The following HEPHL1 variants were observed in gnomAD, a reference collection of about 807,000 sequenced individuals.
HEPHL1 encodes the protein hephaestin like 1.
HEPHL1 carries 123 observed loss-of-function variants against 122.0 expected under a neutral mutation model. The ratio of observed to expected loss-of-function variants is 1.01; its 90% confidence interval spans 0.87 to 1.17. The LOEUF is 1.17. Among genes scored for constraint, HEPHL1 ranks in the 50% most tolerant of loss-of-function variants. The pLI is 0.00. For missense variants in HEPHL1, 1,452 were observed against 1,430.5 expected (o/e 1.01, Z -0.24); for synonymous variants, 527 against 508.9 (o/e 1.04, Z -0.48).
rs374141325 is a variant in HEPHL1, at chr11:94,037,336, G to A, written c.171-8337G>A. Among the ~76,000 whole-genome samples the A allele has an allele frequency of 9.2e-5, 14 of 151,880 alleles. No individual in the cohort carries two copies. The East Asian group carries it at 2.3e-3, about 25-fold the overall frequency. On this transcript the variant is annotated intron_variant, in intron 1 of 19. Transcript: ENST00000315765. ...CAGGCTTGCTTAGGTAAACAAAGCA[G>A]CCAGAAAGCTTGAACTGGGTGGAGC...
chr11:94,076,804 G>T (rs111872184), intron 9 of HEPHL1, among the ~76,000 whole-genome samples: 2 of 152,108 alleles, frequency 1.3e-5, no homozygotes, highest in Admixed American at 1.3e-4. Flanking sequence ...AAGTGTTTGC[G>T]TCTCTTTCCA....
In HEPHL1 at chr11:94,093,511, A is replaced by G. The variant is rs776732202; in HGVS notation, c.2305A>G (p.Ile769Val). 4.3e-6 allele frequency: 7 copies of G among 1,613,470 alleles called. 1 individual carries two copies. In the South Asian group the frequency reaches 7.7e-5, roughly 18 times the overall value. ...VDARGERHGD[I>V]FMNRTENWIG... The stretch of plus-strand genomic sequence containing the variant: ...GCTTCTGATTTGCAGACATGGAGAT[A>G]TATTTATGAACCGCACTGAAAATTG... The change falls in exon 13 of 20, where the codon ATA becomes GTA. Residue 769 changes from isoleucine to valine, a missense_variant. Ile to Val is a conservative substitution (Grantham distance 29). Transcript: ENST00000315765.
intron 1 of HEPHL1, among the ~76,000 whole-genome samples, chr11:94,036,654 G>C (rs1945727357): frequency 6.6e-6 from 1 of 152,018 alleles, no homozygotes; most frequent in African/African-American, 2.4e-5. Context: ...GGCTAACATG[G>C]TGAAACCCCA....
intron 13 of HEPHL1, among the ~76,000 whole-genome samples, chr11:94,099,252 G>T (rs1019521380): frequency 3.5e-4 from 54 of 152,228 alleles, no homozygotes; most frequent in African/African-American, 1.3e-3. Context: ...TCAGCTGCAG[G>T]TCTGTTGGAG....
Position 94,102,912 on chromosome 11 carries a change from A to T in HEPHL1, c.2576-2A>T. 3 of 1,481,482 alleles carry T rather than the reference A, an allele frequency of 2.0e-6. No individual in the cohort carries two copies. The highest frequency in any genetic ancestry group is 2.8e-6 in the Non-Finnish European group (3 of 1,061,478). 91.8% of individuals were successfully genotyped at this position (1,481,482 alleles called of 1,614,324 possible). ...AAATTTTTTCCATTTCATTTATTAC[A>T]GGAGAAGTAAAAACTTATAGATGGA... On this transcript the variant is annotated splice_acceptor_variant, in intron 14 of 19. Transcript: ENST00000315765. LOFTEE classifies it high-confidence loss of function.
chr11:94,035,529 T>C (rs905473276), intron 1 of HEPHL1, among the ~76,000 whole-genome samples: 2 of 152,156 alleles, frequency 1.3e-5, no homozygotes, highest in East Asian at 1.9e-4. Flanking sequence ...GTTCTAGGGT[T>C]CATGTGCACA....
At chr11:94,093,971 G>GATAGATATATATATATATATAT (rs71036310) in intron 13 of HEPHL1, among the ~76,000 whole-genome samples, 2 of 72,768 alleles carry the variant, frequency 2.7e-5, no homozygotes, top group African/African-American at 9.9e-5. Context: ...TCCTCCAGCA[G>GATAGATATATATATATATATAT]ATATATATAT....
intron 2 of HEPHL1, among the ~76,000 whole-genome samples, chr11:94,052,482 T>C (rs1324966332): frequency 2.0e-5 from 3 of 152,176 alleles, no homozygotes; most frequent in Non-Finnish European, 4.4e-5. Context: ...CCTGCAACTT[T>C]ACTAAATTTG....
chr11:94,101,993 T>C (rs1457010574), intron 14 of HEPHL1, among the ~76,000 whole-genome samples: 1 of 152,266 alleles, frequency 6.6e-6, no homozygotes, highest in East Asian at 1.9e-4. Context: ...TGTACTGTTA[T>C]AATTGTCATA....
At chr11:94,051,712 C>G (rs1273419477) in intron 2 of HEPHL1, among the ~76,000 whole-genome samples, 1 of 152,006 alleles carries the variant, frequency 6.6e-6, no homozygotes. Context: ...AAATCTTTGC[C>G]CAGACTAATG....
Position 94,064,446 on chromosome 11 carries a change from C to T in HEPHL1, c.744C>T (p.Phe248=). The change falls in exon 4 of 20, where the codon TTC becomes TTT. Residue 248 remains phenylalanine, a synonymous_variant. Transcript: ENST00000315765. ...SWYLNENIKH[F]CTNPDSVDKK... is the part of the protein sequence containing the mutation. ...ACCTCAATGAAAATATCAAACATTTCTGCACCAACCCTGATTCAGTTGACA... is the reference window on the plus strand; with the variant it reads ...ACCTCAATGAAAATATCAAACATTTTTGCACCAACCCTGATTCAGTTGACA... The T allele has an allele frequency of 6.2e-7, 1 of 1,613,158 alleles. No individual in the cohort carries two copies. Among genetic ancestry groups the T allele is most frequent in the Non-Finnish European group, 8.5e-7 (1 of 1,179,254 alleles).
At chr11:94,101,098 C>A in intron 13 of HEPHL1, 97 bp from the exon 14 acceptor site, 1 of 1,386,158 alleles carries the variant, frequency 7.2e-7, no homozygotes, top group Non-Finnish European at 1.0e-6. Context: ...ACAACTAAAG[C>A]CAAACTATTT....
intron 1 of HEPHL1, among the ~76,000 whole-genome samples, chr11:94,025,399 T>C (rs2460053): frequency 0.93 from 140,977 of 152,088 alleles, 65,768 homozygotes; most frequent in Non-Finnish European, 0.98. Context: ...TTAAGGTGTG[T>C]GTTTGGTGGT....
At position 94,064,448 on chromosome 11, in the gene HEPHL1, G is replaced by T. The variant is rs1946016896; in HGVS notation, c.746G>T (p.Cys249Phe). The change falls in exon 4 of 20, where the codon TGC (cysteine) becomes TTC (phenylalanine). Residue 249 changes from cysteine to phenylalanine, a missense_variant. Coordinates refer to ENST00000315765, the MANE Select transcript of HEPHL1 (RefSeq NM_001098672.2). ...CTCAATGAAAATATCAAACATTTCT[G>T]CACCAACCCTGATTCAGTTGACAAG... ...WYLNENIKHF[C>F]TNPDSVDKKD... is the part of the protein sequence containing the mutation. 1 of 1,613,154 alleles carries T rather than the reference G, an allele frequency of 6.2e-7. No homozygotes were observed. Among genetic ancestry groups the T allele is most frequent in the East Asian group, 2.2e-5 (1 of 44,844 alleles).
intron 13 of HEPHL1, among the ~76,000 whole-genome samples, chr11:94,095,406 T>C (rs1014097340): frequency 6.6e-6 from 1 of 152,260 alleles, no homozygotes; most frequent in Non-Finnish European, 1.5e-5. Context: ...AGCCTTGTAG[T>C]ACAGTTTGAA....
At chr11:94,084,201 G>T (rs1350330116) in intron 10 of HEPHL1, among the ~76,000 whole-genome samples, 1 of 151,826 alleles carries the variant, frequency 6.6e-6, no homozygotes, top group African/African-American at 2.4e-5. Flanking sequence ...GTGTGCACCT[G>T]TAGTCCCAGC....
intron 5 of HEPHL1, among the ~76,000 whole-genome samples, chr11:94,069,819 A>G (rs1251170469): frequency 6.6e-6 from 1 of 152,178 alleles, no homozygotes; most frequent in Non-Finnish European, 1.5e-5. Context: ...TCCTAGATTT[A>G]GAATTTCTGG....
chr11:94,066,890 T>A (rs1364592368), intron 4 of HEPHL1, among the ~76,000 whole-genome samples: 1 of 152,214 alleles, frequency 6.6e-6, no homozygotes, highest in African/African-American at 2.4e-5. Context: ...ATAAACTTAA[T>A]AAGATTCTGC....
At chr11:94,048,368 A>AT (rs111584615) in intron 2 of HEPHL1, among the ~76,000 whole-genome samples, 142 of 151,292 alleles carry the variant, frequency 9.4e-4, no homozygotes, top group African/African-American at 3.2e-3. Context: ...TATGTGCATA[A>AT]TTTTTTTTTG....
Sources: allele counts gnomAD v4.1 joint callset (sites outside exome capture counted in the v4.1 genomes callset), GRCh38; gene constraint gnomAD v4.1.1; transcripts MANE v1.5; gene names NCBI Gene and HGNC (gene_info 2026-07-23, HGNC 2026-07-21).